MEF2A: variants seen among roughly 807,000 people sequenced by gnomAD.
The protein encoded by MEF2A is myocyte-specific enhancer factor 2A.
Under a neutral mutation model 55.8 loss-of-function variants are expected in MEF2A, and 28 were observed. The observed-to-expected ratio is 0.50, with a 90% CI of 0.37 to 0.69. MEF2A has a LOEUF of 0.69. Ranked by LOEUF, MEF2A falls within the 30% of genes least tolerant of loss-of-function variation. MEF2A has a pLI of 0.00. For missense variants in MEF2A, 528 were observed against 626.2 expected (o/e 0.84, Z 1.67); for synonymous variants, 239 against 227.1 (o/e 1.05, Z -0.47).
intron 3 of MEF2A, among the ~76,000 whole-genome samples, chr15:99,644,799 G>C (rs1462599973): frequency 6.6e-6 from 1 of 152,168 alleles, no homozygotes; most frequent in Non-Finnish European, 1.5e-5. Context: ...ATTAGAAGAA[G>C]AGGGATCAAG....
intron 4 of MEF2A, among the ~76,000 whole-genome samples, chr15:99,659,682 G>C (rs2048323073): frequency 6.6e-6 from 1 of 152,056 alleles, no homozygotes; most frequent in Non-Finnish European, 1.5e-5. Context: ...AAGAGTACTT[G>C]GATCTCTGGA....
rs567952715 is a variant in MEF2A at position 99,611,565 on chromosome 15, T to C, written c.-143+13054T>C. Among the ~76,000 whole-genome samples the C allele has an allele frequency of 3.7e-4, 57 of 152,356 alleles. 4 individuals carry two copies. The South Asian group carries it at 0.011, about 30-fold the overall frequency. On this transcript the variant is annotated intron_variant, in intron 2 of 11. Coordinates refer to ENST00000557942, the MANE Select transcript of MEF2A (RefSeq NM_001319206.4). ...TGGAGAAATTAGTATCCTCATACTT[T>C]GCTGGTGGTAATGTGAAATGCTTCA...
intron 7 of MEF2A, chr15:99,682,023 T>C (rs954575224): frequency 6.6e-6 from 1 of 152,250 alleles, no homozygotes; most frequent in Admixed American, 6.5e-5. Flanking sequence ...GATTGAACTT[T>C]GCTTTGGATG....
chr15:99,640,335 C>T (rs914437633), intron 3 of MEF2A, among the ~76,000 whole-genome samples: 7 of 152,028 alleles, frequency 4.6e-5, no homozygotes, highest in Non-Finnish European at 8.8e-5. Context: ...GGGACTATTT[C>T]GTTAGGCTTG....
At chr15:99,621,159 C>CT (rs1369298917) in intron 2 of MEF2A, 6 of 152,194 alleles carry the variant, frequency 3.9e-5, no homozygotes, top group Admixed American at 2.0e-4. Context: ...TCACCGATGT[C>CT]TATCTACAGA....
At chr15:99,689,919 T>A (rs966776811) in intron 7 of MEF2A, among the ~76,000 whole-genome samples, 2 of 152,206 alleles carry the variant, frequency 1.3e-5, no homozygotes, top group Non-Finnish European at 2.9e-5. Context: ...CCAAGGTACT[T>A]CATTAGTTAC....
chr15:99,625,208 G>C (rs567237513), intron 2 of MEF2A, among the ~76,000 whole-genome samples: 1 of 152,218 alleles, frequency 6.6e-6, no homozygotes, highest in African/African-American at 2.4e-5. Flanking sequence ...TATTCTCTTT[G>C]ATTCCATTGT....
At position 99,712,794 on chromosome 15, in the gene MEF2A, C is replaced by T. The variant is rs760515041; in HGVS notation, c.*23C>T. On this transcript the variant is annotated 3_prime_UTR_variant, in exon 12 of 12. Coordinates refer to ENST00000557942, the MANE Select transcript of MEF2A (RefSeq NM_001319206.4). The surrounding 1 kb of genome is among the most constrained non-coding windows in gnomAD (Gnocchi z 4.1). ...TAAGGCTTCCAAGCTGATGTTTGTA[C>T]TTTTGTGTTACTGCAGTGACCTGCC... The T allele has an allele frequency of 6.5e-7, 1 of 1,547,836 alleles. No individual in the cohort carries two copies. Among genetic ancestry groups the T allele is most frequent in the East Asian group, 2.4e-5 (1 of 40,910 alleles).
chr15:99,702,913 C>T (rs2057585926), intron 8 of MEF2A, among the ~76,000 whole-genome samples: 1 of 152,220 alleles, frequency 6.6e-6, no homozygotes, highest in Non-Finnish European at 1.5e-5. Context: ...CAGTTTCTTT[C>T]TGCCAAGAAG....
chr15:99,622,914 A>G (rs1382268857), intron 2 of MEF2A, among the ~76,000 whole-genome samples: 1 of 151,374 alleles, frequency 6.6e-6, no homozygotes, highest in Admixed American at 6.6e-5. Context: ...CCGTGTTAGG[A>G]TGGTCTCGAT....
intron 2 of MEF2A, among the ~76,000 whole-genome samples, chr15:99,606,942 A>G (rs1269648781): frequency 1.3e-5 from 2 of 152,318 alleles, no homozygotes; most frequent in East Asian, 3.9e-4. Context: ...GGCTACATAA[A>G]TAAACTCATG....
intron 1 of MEF2A, among the ~76,000 whole-genome samples, chr15:99,577,058 G>A (rs1345114128): frequency 6.6e-6 from 1 of 152,096 alleles, no homozygotes; most frequent in Non-Finnish European, 1.5e-5. Context: ...ATACTGTTTC[G>A]TTCATTAGCA....
chr15:99,699,968 G>GTT (rs1444238438), intron 8 of MEF2A, among the ~76,000 whole-genome samples: 5 of 95,362 alleles, frequency 5.2e-5, no homozygotes, highest in Non-Finnish European at 7.1e-5. Context: ...GTGTGTGTGT[G>GTT]TGTGTGTGTG....
At chr15:99,600,973 G>A (rs1422531148) in intron 2 of MEF2A, among the ~76,000 whole-genome samples, 7 of 152,206 alleles carry the variant, frequency 4.6e-5, no homozygotes, top group African/African-American at 1.7e-4. Context: ...TTTTACCCTA[G>A]AGATCAATTT....
intron 7 of MEF2A, among the ~76,000 whole-genome samples, chr15:99,683,710 T>TA (rs1392785143): frequency 2.0e-5 from 1 of 48,782 alleles, no homozygotes; most frequent in Non-Finnish European, 6.4e-5. Flanking sequence ...GGGCCTTTTA[T>TA]TAAAAAAAAA....
At chr15:99,635,790 T>C (rs2153427478) in intron 3 of MEF2A, among the ~76,000 whole-genome samples, 1 of 152,348 alleles carries the variant, frequency 6.6e-6, no homozygotes, top group South Asian at 2.1e-4. Flanking sequence ...GTATAATCTA[T>C]TGTGTCAGTA....
At chr15:99,614,231 C>T (rs948386297) in intron 2 of MEF2A, among the ~76,000 whole-genome samples, 1 of 152,144 alleles carries the variant, frequency 6.6e-6, no homozygotes, top group Non-Finnish European at 1.5e-5. Context: ...ATTAAGTTAC[C>T]TTCCCTTCTG....
In MEF2A at chr15:99,657,224, C is replaced by G. The variant is rs147928599; in HGVS notation, c.258+11460C>G. ...ATAAGTTTTCACTTCTCTTGGGTAT[C>G]TAGTTAGTAGTAGAATTTCCTGGAT... On this transcript the variant is annotated intron_variant, in intron 4 of 11. Transcript: ENST00000557942. Among the ~76,000 whole-genome samples the G allele has an allele frequency of 1.9e-4, 29 of 151,670 alleles. No homozygotes were observed. The East Asian group carries it at 5.2e-3, about 27-fold the overall frequency.
At chr15:99,574,688 G>A (rs539614498) in intron 1 of MEF2A, among the ~76,000 whole-genome samples, 10 of 152,284 alleles carry the variant, frequency 6.6e-5, no homozygotes, top group South Asian at 2.1e-4. Flanking sequence ...TGCAAGCGAC[G>A]GGGAGCGGCT....
Sources: allele counts gnomAD v4.1 joint callset (sites outside exome capture counted in the v4.1 genomes callset), GRCh38; gene constraint gnomAD v4.1.1; non-coding constraint Gnocchi (gnomAD v3.1); transcripts MANE v1.5; gene names NCBI Gene and HGNC (gene_info 2026-07-23, HGNC 2026-07-21).